Variants in MEMO1 observed in about 807,000 individuals in gnomAD.
MEMO1 encodes mediator of cell motility 1, also known as protein MEMO1.
MEMO1 carries 6 observed loss-of-function variants against 45.2 expected under a neutral mutation model. The ratio of observed to expected loss-of-function variants is 0.13; its 90% CI spans 0.07 to 0.26. The LOEUF (loss-of-function observed/expected upper bound fraction) is 0.26, where lower values mean the gene tolerates loss of function less well. MEMO1 is among the 10% of genes least tolerant of loss of function. The pLI is 1.00. For missense variants in MEMO1, 184 were observed against 370.5 expected (o/e 0.50, Z 4.13); for synonymous variants, 78 against 124.3 (o/e 0.63, Z 2.48).
intron 2 of MEMO1, chr2:31,963,210 T>C (rs1321482607): frequency 1.9e-6 from 3 of 1,548,064 alleles, no homozygotes; most frequent in African/African-American, 1.4e-5. Flanking sequence ...TGACTGCACA[T>C]CTTGGCACTT....
rs141562319 is a variant in MEMO1, at chr2:31,984,097, C to T, written c.61+26090G>A. Among the ~76,000 whole-genome samples the T allele has an allele frequency of 1.1e-4, 16 of 152,252 alleles. No homozygotes were observed. In the East Asian group the frequency reaches 2.1e-3, roughly 20 times the overall value. ...ACTCAAGTAATGTATGCAAATATTT[C>T]CTCATCCAAAGTGTGGGTTGGACTT... is the stretch of plus-strand genomic sequence containing the variant. On this transcript the variant is annotated intron_variant, in intron 2 of 9. Transcript: ENST00000404530.
chr2:31,931,213 TTTTTG>T (rs770554944), intron 4 of MEMO1, among the ~76,000 whole-genome samples: 1 of 152,150 alleles, frequency 6.6e-6, no homozygotes, highest in Non-Finnish European at 1.5e-5. Flanking sequence ...AAGAACAGCT[TTTTTG>T]TTTTAAAACT....
intron 8 of MEMO1, among the ~76,000 whole-genome samples, chr2:31,880,472 A>G (rs1675194765): frequency 6.6e-6 from 1 of 152,228 alleles, no homozygotes; most frequent in South Asian, 2.1e-4. Flanking sequence ...AATAAAATAT[A>G]CTACATGATA....
chr2:31,940,325 T>TA (rs1665459466), intron 3 of MEMO1, among the ~76,000 whole-genome samples: 2 of 152,162 alleles, frequency 1.3e-5, no homozygotes, highest in Non-Finnish European at 2.9e-5. Context: ...CAGATTCATA[T>TA]AGCCAGCTGC....
intron 2 of MEMO1, among the ~76,000 whole-genome samples, chr2:31,954,788 C>T (rs752194024): frequency 6.6e-6 from 1 of 150,970 alleles, no homozygotes; most frequent in African/African-American, 2.4e-5. Context: ...AAGCCAAGAT[C>T]GTGCCATTGC....
At chr2:31,927,639 T>TA (rs555788140) in intron 4 of MEMO1, among the ~76,000 whole-genome samples, 44,763 of 138,670 alleles carry the variant, frequency 0.32, 7,039 homozygotes, top group East Asian at 0.57. Context: ...TTATATTTTG[T>TA]AAAAAAAAAA....
intron 8 of MEMO1, among the ~76,000 whole-genome samples, chr2:31,882,719 C>T (rs1377226726): frequency 6.6e-6 from 1 of 152,110 alleles, no homozygotes; most frequent in East Asian, 1.9e-4. Context: ...AATTCCTGCA[C>T]ACTGTCATCA....
intron 9 of MEMO1, 61 bp downstream of exon 9, chr2:31,869,787 T>C: frequency 6.6e-7 from 1 of 1,513,386 alleles, no homozygotes. Context: ...ATCACAATGA[T>C]AATATTTTGG....
At chr2:31,996,521 G>C (rs1244339355) in intron 2 of MEMO1, among the ~76,000 whole-genome samples, 1 of 151,862 alleles carries the variant, frequency 6.6e-6, no homozygotes, top group African/African-American at 2.4e-5. Flanking sequence ...TCCAGCCTGG[G>C]CAACAGAGTG....
chr2:31,943,496 A>C, intron 2 of MEMO1, 113 bp from the exon 3 acceptor site: 1 of 767,694 alleles, frequency 1.3e-6, no homozygotes, highest in Non-Finnish European at 2.3e-6. Context: ...CTTAATGCGC[A>C]ATAGGATCAT....
chr2:31,951,184 T>A (rs771961775), intron 2 of MEMO1, among the ~76,000 whole-genome samples: 1 of 152,220 alleles, frequency 6.6e-6, no homozygotes, highest in South Asian at 2.1e-4. Context: ...AGGGGTGATG[T>A]TGTGTAGTCA....
chr2:31,940,854 TTCTC>T lies in MEMO1; in HGVS notation c.143+2444_143+2447del, dbSNP rs1025429021. On this transcript the variant is annotated intron_variant, in intron 3 of 9. Coordinates refer to ENST00000404530, the MANE Select transcript of MEMO1 (RefSeq NM_001301833.4). ...AGCCAAGTGTCATTCTTGACTCTTC[TTCTC>T]TCTATCTTGTTGGTCCAACCTTTAA... Among the ~76,000 whole-genome samples, 31 of 152,290 alleles carry T rather than the reference TTCTC, an allele frequency of 2.0e-4. 1 individual carries two copies. Among genetic ancestry groups the T allele is most frequent in the South Asian group, 1.5e-3 (7 of 4,816 alleles).
chr2:31,946,225 G>A (rs1401592448), intron 2 of MEMO1, among the ~76,000 whole-genome samples: 1 of 152,044 alleles, frequency 6.6e-6, no homozygotes, highest in African/African-American at 2.4e-5. Flanking sequence ...TTGTCAATCT[G>A]GATATGAAAT....
chr2:31,900,497 C>G (rs1401503719), intron 6 of MEMO1, among the ~76,000 whole-genome samples: 1 of 151,540 alleles, frequency 6.6e-6, no homozygotes, highest in East Asian at 1.9e-4. Context: ...CATATGGACA[C>G]AGGGAGGGAA....
At chr2:31,924,468 C>G (rs1572697077) in intron 4 of MEMO1, among the ~76,000 whole-genome samples, 1 of 148,590 alleles carries the variant, frequency 6.7e-6, no homozygotes, top group African/African-American at 2.5e-5. Context: ...AAACCTTTAA[C>G]ACGAAAAAAT....
At chr2:32,005,575 C>T (rs1673964390) in intron 2 of MEMO1, among the ~76,000 whole-genome samples, 1 of 152,044 alleles carries the variant, frequency 6.6e-6, no homozygotes, top group Non-Finnish European at 1.5e-5. Flanking sequence ...GGATCCCTAA[C>T]TGGCAGAACA....
chr2:31,989,240 A>AAAAAAG (rs1419170791), intron 2 of MEMO1, among the ~76,000 whole-genome samples: 20 of 151,994 alleles, frequency 1.3e-4, no homozygotes, highest in African/African-American at 4.8e-4. Context: ...AAAAAAAAAA[A>AAAAAAG]AAAGAAAGAA....
rs373977744 is a variant in MEMO1 at position 31,953,091 on chromosome 2, C to T, written c.62-9708G>A. On this transcript the variant is annotated intron_variant, in intron 2 of 9. Coordinates refer to ENST00000404530, the MANE Select transcript of MEMO1 (RefSeq NM_001301833.4). ...TTCCATATTTAAGATTATTTCTGGC[C>T]GGCACGGTGTCTCACACCTGTAATC... 2.6e-5 allele frequency among the ~76,000 whole-genome samples: 4 copies of T among 151,922 alleles called. No homozygotes were observed. The East Asian group carries it at 5.8e-4, about 22-fold the overall frequency.
chr2:31,983,688 C>T (rs1670933264), intron 2 of MEMO1, among the ~76,000 whole-genome samples: 1 of 152,210 alleles, frequency 6.6e-6, no homozygotes, highest in Non-Finnish European at 1.5e-5. Flanking sequence ...CCTGCCTCAG[C>T]CACCCAAAGT....
Sources: gnomAD v4.1 joint callset for allele counts (sites outside exome capture counted in the v4.1 genomes callset) on GRCh38, gnomAD v4.1.1 for gene constraint, MANE v1.5 for transcripts, NCBI Gene and HGNC (gene_info 2026-07-23, HGNC 2026-07-21) for gene names.